GRID2: variants seen among roughly 807,000 people sequenced by gnomAD.
The protein encoded by GRID2 is glutamate ionotropic receptor delta type subunit 2.
Under a neutral mutation model 114.8 loss-of-function variants are expected in GRID2, and 33 were observed. The observed-to-expected ratio is 0.29, with a 90% CI of 0.22 to 0.38. The LOEUF (loss-of-function observed/expected upper bound fraction) is 0.38. GRID2 is among the 10% of genes least tolerant of loss of function. The pLI is 1.00. For synonymous variants in GRID2, 505 were observed against 449.9 expected, an observed-to-expected ratio of 1.12 and a Z score of -1.55; for missense variants, 1,184 against 1,257.7, an observed-to-expected ratio of 0.94 and a Z score of 0.89.
At chr4:93,777,005 T>C (rs184644798), downstream of GRID2, among the ~76,000 whole-genome samples, 200 of 152,318 alleles carry the variant, frequency 1.3e-3, 1 homozygote, top group African/African-American at 4.6e-3. Context: ...AGGATCTTTT[T>C]CATACTGCAA....
At chr4:93,605,169 T>A (rs1286345108) in intron 13 of GRID2, among the ~76,000 whole-genome samples, 1 of 152,202 alleles carries the variant, frequency 6.6e-6, no homozygotes, top group Non-Finnish European at 1.5e-5. Flanking sequence ...AAATTTGCAA[T>A]GTCCAATGTG....
intron 1 of GRID2, among the ~76,000 whole-genome samples, chr4:92,511,280 T>A (rs1560679958): frequency 6.6e-6 from 1 of 151,584 alleles, no homozygotes; most frequent in Non-Finnish European, 1.5e-5. Context: ...CTTTAACAAC[T>A]AGATCACACA....
At chr4:92,407,986 T>G (rs1417243882) in intron 1 of GRID2, among the ~76,000 whole-genome samples, 1 of 152,210 alleles carries the variant, frequency 6.6e-6, no homozygotes, top group Non-Finnish European at 1.5e-5. Flanking sequence ...GCATTTGGGC[T>G]TAGCCATAAA....
intron 4 of GRID2, among the ~76,000 whole-genome samples, chr4:93,159,450 A>G (rs1325975580): frequency 4.0e-5 from 6 of 151,756 alleles, no homozygotes; most frequent in Non-Finnish European, 7.4e-5. Context: ...CTCCTTCATC[A>G]TGCCTATTCT....
intron 8 of GRID2, among the ~76,000 whole-genome samples, chr4:93,342,473 A>T (rs141324790): frequency 1.3e-5 from 2 of 152,174 alleles, no homozygotes; most frequent in East Asian, 3.9e-4. Context: ...CCCCCTCCTA[A>T]ATCCATGGTT....
intron 14 of GRID2, among the ~76,000 whole-genome samples, chr4:93,747,548 A>G (rs534052957): frequency 1.9e-4 from 29 of 152,274 alleles, no homozygotes; most frequent in African/African-American, 6.7e-4. Flanking sequence ...TGTTAAATGA[A>G]CTTTATGTAA....
At chr4:92,313,910 G>A (rs1725833637) in intron 1 of GRID2, among the ~76,000 whole-genome samples, 2 of 152,010 alleles carry the variant, frequency 1.3e-5, no homozygotes, top group Non-Finnish European at 2.9e-5. Flanking sequence ...TAAGGAAGGG[G>A]ATATTAGGTT....
At chr4:92,748,027 G>T (rs1378382020) in intron 2 of GRID2, among the ~76,000 whole-genome samples, 1 of 152,028 alleles carries the variant, frequency 6.6e-6, no homozygotes, top group Admixed American at 6.6e-5. Context: ...TTTCTTTCTA[G>T]GACTAAGACA....
chr4:93,432,366 G>A (rs192938600), intron 10 of GRID2, among the ~76,000 whole-genome samples: 22 of 152,294 alleles, frequency 1.4e-4, no homozygotes, highest in African/African-American at 4.6e-4. Context: ...AATGATTAAG[G>A]AAGCATAGCC....
intron 12 of GRID2, among the ~76,000 whole-genome samples, chr4:93,499,655 T>C (rs975474273): frequency 5.3e-5 from 8 of 151,904 alleles, no homozygotes; most frequent in African/African-American, 1.9e-4. Flanking sequence ...CTCTTTGCGA[T>C]TTTAAGTTCT....
chr4:92,910,391 TGGA>T (rs1260427504), intron 2 of GRID2, among the ~76,000 whole-genome samples: 2 of 152,104 alleles, frequency 1.3e-5, no homozygotes, highest in Middle Eastern at 3.2e-3. Flanking sequence ...ACGATGTCTG[TGGA>T]GATTTAGAAC....
chr4:93,628,021 A>G (rs1276303442), intron 14 of GRID2, among the ~76,000 whole-genome samples: 1 of 152,152 alleles, frequency 6.6e-6, no homozygotes, highest in African/African-American at 2.4e-5. Context: ...TAAAAATACA[A>G]AAATTATCCA....
intron 1 of GRID2, among the ~76,000 whole-genome samples, chr4:92,311,027 C>T (rs538159497): frequency 2.0e-4 from 30 of 152,118 alleles, no homozygotes; most frequent in African/African-American, 6.7e-4. Context: ...ATTGAGAGAG[C>T]TGGATTTGTT....
In GRID2 at chr4:93,310,530, AAAAAT is replaced by A. The variant is rs112535382; in HGVS notation, c.1245+72061_1245+72065del. 5.9e-5 allele frequency among the ~76,000 whole-genome samples: 9 copies of A among 152,138 alleles called. No individual in the cohort carries two copies. In the East Asian group the frequency reaches 9.7e-4, roughly 16 times the overall value. ...TGGGCGCAGAACGAGACTCCATCTC[AAAAAT>A]AAAATAAAATAAAATAAAATTGAGA... On this transcript the variant is annotated intron_variant, in intron 8 of 15. Coordinates refer to ENST00000282020, the MANE Select transcript of GRID2 (RefSeq NM_001510.4).
chr4:92,442,672 T>C (rs1291359873), intron 1 of GRID2, among the ~76,000 whole-genome samples: 1 of 152,060 alleles, frequency 6.6e-6, no homozygotes, highest in Non-Finnish European at 1.5e-5. Flanking sequence ...ATAAAATGTA[T>C]ATTGAGAATA....
Position 92,802,964 on chromosome 4 carries a change from A to T in GRID2, c.244+212678A>T, listed in dbSNP as rs1740246043. Reference sequence around the variant, plus strand: ...GTGAATCCCAAAGAAAGTTCATATGAGAAAACCCAAGATTGCCCTCACAGA... The same window carrying T: ...GTGAATCCCAAAGAAAGTTCATATGTGAAAACCCAAGATTGCCCTCACAGA... On this transcript the variant is annotated intron_variant, in intron 2 of 15. Coordinates refer to ENST00000282020, the MANE Select transcript of GRID2 (RefSeq NM_001510.4). 1.3e-5 allele frequency among the ~76,000 whole-genome samples: 2 copies of T among 152,008 alleles called. 1 individual carries two copies. Among genetic ancestry groups the T allele is most frequent in the Admixed American group, 1.3e-4 (2 of 15,246 alleles).
rs1178150670 is a variant in GRID2, at chr4:93,085,029, G to C, written c.279G>C (p.Leu93=). The change falls in exon 3 of 16, where the codon CTG becomes CTC. Residue 93 remains leucine, a synonymous_variant. Coordinates refer to ENST00000282020, the MANE Select transcript of GRID2 (RefSeq NM_001510.4). ...CELMNQGILA[L]VSSIGCTSAG... Reference sequence around the variant, plus strand: ...TTATGAATCAAGGCATCTTGGCCCTGGTCAGCTCCATTGGCTGCACGTCAG... The same window carrying C: ...TTATGAATCAAGGCATCTTGGCCCTCGTCAGCTCCATTGGCTGCACGTCAG... 5 of 1,614,038 alleles carry C rather than the reference G, an allele frequency of 3.1e-6. No individual in the cohort carries two copies. The East Asian group carries it at 1.1e-4, about 36-fold the overall frequency.
intron 8 of GRID2, among the ~76,000 whole-genome samples, chr4:93,292,374 G>T (rs1435875784): frequency 6.6e-6 from 1 of 152,132 alleles, no homozygotes; most frequent in Non-Finnish European, 1.5e-5. Flanking sequence ...AATACCAGGA[G>T]AAATTTAGAG....
chr4:92,338,675 G>A (rs777338892), intron 1 of GRID2, among the ~76,000 whole-genome samples: 3 of 151,934 alleles, frequency 2.0e-5, no homozygotes, highest in Non-Finnish European at 2.9e-5. Flanking sequence ...TAAAACTTAC[G>A]TCTATGTTCC....
Sources: allele counts gnomAD v4.1 joint callset (sites outside exome capture counted in the v4.1 genomes callset), GRCh38; gene constraint gnomAD v4.1.1; transcripts MANE v1.5; gene names NCBI Gene and HGNC (gene_info 2026-07-23, HGNC 2026-07-21).